Variants in ZBTB2 observed in about 807,000 individuals in gnomAD.
ZBTB2 encodes zinc finger and BTB domain containing 2.
ZBTB2 carries 2 observed loss-of-function variants against 39.5 expected under a neutral mutation model. The ratio of observed to expected loss-of-function variants is 0.05; its 90% CI spans 0.02 to 0.16. The LOEUF is 0.16. ZBTB2 is among the 10% of genes least tolerant of loss of function. The probability of loss-of-function intolerance (pLI) is 1.00; values close to 1 mark genes in which losing one functional copy is unlikely to be tolerated. For missense variants in ZBTB2, 391 were observed against 653.0 expected (o/e 0.60, Z 4.37); for synonymous variants, 251 against 256.6 (o/e 0.98, Z 0.21).
intron 2 of ZBTB2, among the ~76,000 whole-genome samples, chr6:151,369,942 G>A (rs898247747): frequency 6.6e-6 from 1 of 152,086 alleles, no homozygotes; most frequent in African/African-American, 2.4e-5. Context: ...AAAACAGGTA[G>A]AATTTTTCAA....
intron 1 of ZBTB2, among the ~76,000 whole-genome samples, chr6:151,374,199 A>G (rs1237055883): frequency 6.6e-6 from 1 of 152,172 alleles, no homozygotes; most frequent in Non-Finnish European, 1.5e-5. Context: ...CTGAGGGCCA[A>G]TAGTCCAGCT....
At chr6:151,368,638 G>C (rs1778704322) in intron 2 of ZBTB2, among the ~76,000 whole-genome samples, 1 of 150,530 alleles carries the variant, frequency 6.6e-6, no homozygotes, top group Non-Finnish European at 1.5e-5. Flanking sequence ...GTATTTAGTA[G>C]GGATGGGGTT....
rs555915420 is a variant in ZBTB2 at position 151,366,127 on chromosome 6, C to T, written c.939G>A (p.Gly313=). The part of the protein sequence containing the change: ...GKDAMEVPEA[G]MISDSELQHI... Reference sequence around the variant, plus strand: ...GCTGCAGCTCACTGTCACTTATCATCCCGGCTTCAGGCACTTCCATGGCAT... The same window carrying T: ...GCTGCAGCTCACTGTCACTTATCATTCCGGCTTCAGGCACTTCCATGGCAT... The change falls in exon 3 of 3, where the codon GGG becomes GGA. Residue 313 remains glycine, a synonymous_variant. Transcript: ENST00000325144. The surrounding 1 kb of genome is among the most constrained non-coding windows in gnomAD (Gnocchi z 7.1). 6.8e-5 allele frequency: 109 copies of T among 1,614,034 alleles called. No homozygotes were observed. In the East Asian group the frequency reaches 1.5e-3, roughly 22 times the overall value.
intron 1 of ZBTB2, among the ~76,000 whole-genome samples, chr6:151,384,591 T>G (rs1554337623): frequency 6.6e-6 from 1 of 152,224 alleles, no homozygotes; most frequent in Non-Finnish European, 1.5e-5. Flanking sequence ...CCTAGACTTC[T>G]TATTTGTATA....
At chr6:151,388,089 TA>T (rs1485008794) in intron 1 of ZBTB2, among the ~76,000 whole-genome samples, 2 of 150,256 alleles carry the variant, frequency 1.3e-5, no homozygotes, top group African/African-American at 5.0e-5. Context: ...TTCAGGGAAA[TA>T]AAAATGTTCA....
At position 151,366,379 on chromosome 6, in the gene ZBTB2, C is replaced by T; in HGVS notation, c.687G>A (p.Glu229=). The T allele has an allele frequency of 6.2e-7, 1 of 1,614,130 alleles. No individual in the cohort carries two copies. The highest frequency in any genetic ancestry group is 8.5e-7 in the Non-Finnish European group (1 of 1,180,034). ...ETNLEASSSD[E]QPASLTIAHV... ...GGGCTATTGTGAGGGACGCAGGCTG[C>T]TCATCGGAGGAAGATGCTTCCAGAT... The change falls in exon 3 of 3, where the codon GAG becomes GAA. Residue 229 remains glutamate (E), a synonymous_variant. Coordinates refer to ENST00000325144, the MANE Select transcript of ZBTB2 (RefSeq NM_020861.3). The surrounding 1 kb of genome is among the most constrained non-coding windows in gnomAD (Gnocchi z 7.1).
intron 2 of ZBTB2, among the ~76,000 whole-genome samples, chr6:151,367,119 GTTAA>G (rs1778667974): frequency 6.6e-6 from 1 of 151,006 alleles, no homozygotes; most frequent in Non-Finnish European, 1.5e-5. Context: ...CTCCTAGTAA[GTTAA>G]TTTTTTTTTT....
At chr6:151,374,809 A>T (rs1334787417) in intron 1 of ZBTB2, among the ~76,000 whole-genome samples, 1 of 151,220 alleles carries the variant, frequency 6.6e-6, no homozygotes, top group Non-Finnish European at 1.5e-5. Context: ...ATTAAAAAAA[A>T]AAAAAAAAAG....
At chr6:151,373,149 C>T (rs1404894144) in intron 2 of ZBTB2, among the ~76,000 whole-genome samples, 11 of 96,902 alleles carry the variant, frequency 1.1e-4, no homozygotes, top group African/African-American at 3.8e-4. Context: ...AGAGAGACTC[C>T]GTCTCAAAAA....
At chr6:151,385,672 G>T (rs1261505918) in intron 1 of ZBTB2, among the ~76,000 whole-genome samples, 2 of 152,138 alleles carry the variant, frequency 1.3e-5, no homozygotes, top group Non-Finnish European at 2.9e-5. Flanking sequence ...AATGAATATT[G>T]TAATTCAAAG....
In ZBTB2 at chr6:151,365,327, A is replaced by T. The variant is rs945380646; in HGVS notation, c.*194T>A. 3.5e-5 allele frequency: 21 copies of T among 606,512 alleles called. No individual in the cohort carries two copies. Among genetic ancestry groups the T allele is most frequent in the Non-Finnish European group, 5.6e-6 (2 of 360,236 alleles). 37.6% of individuals were successfully genotyped at this position (606,512 alleles called of 1,614,324 possible). On this transcript the variant is annotated 3_prime_UTR_variant, in exon 3 of 3. Coordinates refer to ENST00000325144, the MANE Select transcript of ZBTB2 (RefSeq NM_020861.3). This position sits in a 1 kb window ranked among gnomAD's most constrained non-coding sequence, Gnocchi z 5.6. ...TTATCTTTCCAATATCCCCTGAAAG[A>T]AAGTCGATACATTCCAGGTTTATAA...
chr6:151,381,604 A>C (rs1488084322), intron 1 of ZBTB2, among the ~76,000 whole-genome samples: 1 of 152,250 alleles, frequency 6.6e-6, no homozygotes, highest in South Asian at 2.1e-4. Flanking sequence ...ACTAGGATAA[A>C]ATCCCAGTGC....
At chr6:151,378,554 C>T (rs1196971860) in intron 1 of ZBTB2, among the ~76,000 whole-genome samples, 1 of 152,184 alleles carries the variant, frequency 6.6e-6, no homozygotes, top group African/African-American at 2.4e-5. Flanking sequence ...TGACCTCCAC[C>T]AAGGCATAAC....
intron 1 of ZBTB2, among the ~76,000 whole-genome samples, chr6:151,374,125 C>T (rs149944804): frequency 9.5e-4 from 145 of 152,220 alleles, no homozygotes; most frequent in Middle Eastern, 3.4e-3. Context: ...AATTCTTCCA[C>T]AGAGATAGAT....
chr6:151,379,313 C>T (rs1778982396), intron 1 of ZBTB2, among the ~76,000 whole-genome samples: 1 of 151,966 alleles, frequency 6.6e-6, no homozygotes, highest in South Asian at 2.1e-4. Flanking sequence ...GAGCTCTGCC[C>T]ATTTTCCTAT....
chr6:151,365,478 A>G lies in ZBTB2; in HGVS notation c.*43T>C. 1.3e-6 allele frequency: 2 copies of G among 1,553,750 alleles called. No individual in the cohort carries two copies. The highest frequency in any genetic ancestry group is 1.7e-6 in the Non-Finnish European group (2 of 1,151,830). On this transcript the variant is annotated 3_prime_UTR_variant, in exon 3 of 3. Coordinates refer to ENST00000325144, the MANE Select transcript of ZBTB2 (RefSeq NM_020861.3). This position sits in a 1 kb window ranked among gnomAD's most constrained non-coding sequence, Gnocchi z 5.6. ...TGAATTCAGGGAAGGGAGGGAAGAT[A>G]GTCTTTGTAAAAATGAGAGTTTTTT...
At chr6:151,374,128 A>C (rs1778850184) in intron 1 of ZBTB2, among the ~76,000 whole-genome samples, 2 of 152,108 alleles carry the variant, frequency 1.3e-5, no homozygotes, top group Non-Finnish European at 1.5e-5. Flanking sequence ...TCTTCCACAG[A>C]GATAGATAAA....
intron 1 of ZBTB2, among the ~76,000 whole-genome samples, chr6:151,389,432 T>G (rs1311688908): frequency 1.3e-5 from 2 of 152,222 alleles, no homozygotes; most frequent in African/African-American, 4.8e-5. Flanking sequence ...AATTCTCTAT[T>G]AAACGTTCAG....
At position 151,383,889 on chromosome 6, in the gene ZBTB2, C is replaced by T. The variant is rs185532102; in HGVS notation, c.-13+7531G>A. On this transcript the variant is annotated intron_variant, in intron 1 of 2. Transcript: ENST00000325144. ...TGCTTCTGGAAAGCTGGCAACAAAT[C>T]TTCCTCATCATTTACTATTTTATCC... 5.5e-4 allele frequency among the ~76,000 whole-genome samples: 84 copies of T among 152,298 alleles called. No homozygotes were observed. The East Asian group carries it at 9.5e-3, about 17-fold the overall frequency.
Sources: gnomAD v4.1 joint callset for allele counts (sites outside exome capture counted in the v4.1 genomes callset) on GRCh38, gnomAD v4.1.1 for gene constraint, Gnocchi (gnomAD v3.1) non-coding constraint, MANE v1.5 for transcripts, NCBI Gene and HGNC (gene_info 2026-07-23, HGNC 2026-07-21) for gene names.